LRRTM4: variants seen among roughly 807,000 people sequenced by gnomAD.
LRRTM4 encodes leucine rich repeat transmembrane neuronal 4, also known as leucine-rich repeat transmembrane neuronal protein 4.
In LRRTM4, 25 loss-of-function variants were observed where a neutral mutation model predicts 47.6. The observed-to-expected ratio is 0.53, with a 90% CI of 0.38 to 0.73. The LOEUF is 0.73. LRRTM4 is among the 30% of genes least tolerant of loss of function. The probability of loss-of-function intolerance (pLI) is 0.00; values close to 1 mark genes in which losing one functional copy is unlikely to be tolerated. For synonymous variants in LRRTM4, 311 were observed against 269.5 expected, an observed-to-expected ratio of 1.15 and a Z score of -1.51; for missense variants, 638 against 713.4, an observed-to-expected ratio of 0.89 and a Z score of 1.20.
chr2:77,263,648 G>A (rs1279813637), intron 3 of LRRTM4, among the ~76,000 whole-genome samples: 2 of 152,076 alleles, frequency 1.3e-5, no homozygotes, highest in Non-Finnish European at 2.9e-5. Flanking sequence ...AGAGTATTGT[G>A]GAAGAAAACA....
chr2:77,445,800 AC>A (rs1345170234), intron 3 of LRRTM4, among the ~76,000 whole-genome samples: 2 of 152,172 alleles, frequency 1.3e-5, no homozygotes, highest in East Asian at 3.9e-4. Context: ...TGGGTGTTTA[AC>A]TTCTCAATTT....
intron 3 of LRRTM4, among the ~76,000 whole-genome samples, chr2:77,433,063 A>G (rs1675449197): frequency 6.6e-6 from 1 of 152,204 alleles, no homozygotes; most frequent in South Asian, 2.1e-4. Flanking sequence ...GTGAAAGACA[A>G]GGCAGAAAAA....
chr2:77,303,182 G>A (rs1049917542), intron 3 of LRRTM4, among the ~76,000 whole-genome samples: 2 of 151,788 alleles, frequency 1.3e-5, no homozygotes, highest in African/African-American at 2.4e-5. Context: ...AAAACCCGGT[G>A]TCTCGGAGGC....
chr2:77,294,386 T>G (rs1676912568), intron 3 of LRRTM4, among the ~76,000 whole-genome samples: 1 of 152,094 alleles, frequency 6.6e-6, no homozygotes, highest in South Asian at 2.1e-4. Flanking sequence ...ACCTAATATT[T>G]AGATATAGTA....
intron 3 of LRRTM4, among the ~76,000 whole-genome samples, chr2:76,906,938 T>C (rs1307402464): frequency 2.6e-5 from 4 of 151,528 alleles, no homozygotes; most frequent in African/African-American, 2.4e-5. Context: ...GACAGATCAA[T>C]GAGACAGAAA....
intron 3 of LRRTM4, among the ~76,000 whole-genome samples, chr2:77,368,381 T>G (rs890797065): frequency 6.6e-6 from 1 of 151,828 alleles, no homozygotes; most frequent in Non-Finnish European, 1.5e-5. Flanking sequence ...GTTTTAGTTC[T>G]TTCTTTTCCC....
intron 3 of LRRTM4, among the ~76,000 whole-genome samples, chr2:76,862,287 C>A (rs899901426): frequency 5.3e-5 from 8 of 152,162 alleles, no homozygotes; most frequent in Non-Finnish European, 8.8e-5. Flanking sequence ...CAGGTGACAG[C>A]CTGTTCTAAG....
At chr2:77,000,481 G>A (rs751684028) in intron 3 of LRRTM4, among the ~76,000 whole-genome samples, 2 of 152,172 alleles carry the variant, frequency 1.3e-5, no homozygotes, top group Non-Finnish European at 2.9e-5. Flanking sequence ...TCTACAACAC[G>A]TAAGTAGTAA....
chr2:76,761,693 A>C (rs1302010868), intron 3 of LRRTM4, among the ~76,000 whole-genome samples: 1 of 152,222 alleles, frequency 6.6e-6, no homozygotes, highest in Non-Finnish European at 1.5e-5. Flanking sequence ...TCTACTTAAA[A>C]GCTAATAAGG....
chr2:77,193,735 G>A (rs1244104920), intron 3 of LRRTM4, among the ~76,000 whole-genome samples: 2 of 152,096 alleles, frequency 1.3e-5, no homozygotes, highest in East Asian at 3.9e-4. Flanking sequence ...CAGGAGGCGG[G>A]CATTGCACTC....
intron 3 of LRRTM4, among the ~76,000 whole-genome samples, chr2:77,052,561 A>G (rs1233069594): frequency 6.6e-6 from 1 of 151,820 alleles, no homozygotes; most frequent in Non-Finnish European, 1.5e-5. Flanking sequence ...GTCTCCTCCC[A>G]TCTTTCAACT....
intron 3 of LRRTM4, among the ~76,000 whole-genome samples, chr2:77,056,248 AG>A (rs1340557180): frequency 1.1e-5 from 1 of 93,508 alleles, no homozygotes; most frequent in Non-Finnish European, 2.4e-5. Flanking sequence ...GGCAGTTTAG[AG>A]AGACCAATAA....
chr2:77,239,434 A>G (rs554140896), intron 3 of LRRTM4, among the ~76,000 whole-genome samples: 5 of 152,096 alleles, frequency 3.3e-5, no homozygotes, highest in South Asian at 4.1e-4. Context: ...TTTTAAACCC[A>G]TCATATACAT....
chr2:76,848,999 T>G (rs947531644), intron 3 of LRRTM4, among the ~76,000 whole-genome samples: 8 of 152,108 alleles, frequency 5.3e-5, no homozygotes, highest in Admixed American at 1.3e-4. Flanking sequence ...GTACATTCCC[T>G]GTTATACCAG....
intron 3 of LRRTM4, among the ~76,000 whole-genome samples, chr2:77,113,403 T>C (rs961217179): frequency 1.4e-4 from 21 of 152,136 alleles, no homozygotes; most frequent in African/African-American, 4.1e-4. Context: ...AAAGGTAAGA[T>C]TGAGCGGCGC....
chr2:77,084,730 C>A (rs925650718), intron 3 of LRRTM4, among the ~76,000 whole-genome samples: 4 of 152,068 alleles, frequency 2.6e-5, no homozygotes, highest in Non-Finnish European at 4.4e-5. Flanking sequence ...AATAATGGGA[C>A]CTACTATTTC....
At chr2:77,109,874 A>G (rs2103931597) in intron 3 of LRRTM4, among the ~76,000 whole-genome samples, 1 of 152,242 alleles carries the variant, frequency 6.6e-6, no homozygotes, top group South Asian at 2.1e-4. Flanking sequence ...CTAAAATTAT[A>G]GACAAATGTC....
At chr2:77,302,579 G>A (rs1677159400) in intron 3 of LRRTM4, among the ~76,000 whole-genome samples, 1 of 152,190 alleles carries the variant, frequency 6.6e-6, no homozygotes, top group Non-Finnish European at 1.5e-5. Context: ...GCCTCTTTGT[G>A]TATGAGGAGG....
At chr2:77,492,620 T>C (rs1039599485) in intron 3 of LRRTM4, among the ~76,000 whole-genome samples, 1 of 152,056 alleles carries the variant, frequency 6.6e-6, no homozygotes, top group Admixed American at 6.6e-5. Flanking sequence ...CAACTTTATA[T>C]ATGAAATAAT....
Sources: allele counts gnomAD v4.1 joint callset (sites outside exome capture counted in the v4.1 genomes callset), GRCh38; gene constraint gnomAD v4.1.1; transcripts MANE v1.5; gene names NCBI Gene and HGNC (gene_info 2026-07-23, HGNC 2026-07-21).